Variants in TBC1D5 observed in about 807,000 individuals in gnomAD.
TBC1D5 encodes TBC1 domain family member 5.
A neutral mutation model predicts 100.3 loss-of-function variants in TBC1D5; 75 were observed. That is an observed-to-expected ratio of 0.75 (90% CI 0.62 to 0.91). The LOEUF (loss-of-function observed/expected upper bound fraction) is 0.91. Among genes scored for constraint, TBC1D5 ranks in the 40% least tolerant of loss-of-function variants. The probability of loss-of-function intolerance (pLI) is 0.00; values close to 1 mark genes in which losing one functional copy is unlikely to be tolerated. For missense variants in TBC1D5, 910 were observed against 942.4 expected (o/e 0.97, Z 0.45); for synonymous variants, 323 against 325.6 (o/e 0.99, Z 0.09).
chr3:17,169,813 G>C (rs1247476433), intron 19 of TBC1D5, among the ~76,000 whole-genome samples: 1 of 152,186 alleles, frequency 6.6e-6, no homozygotes, highest in African/African-American at 2.4e-5. Flanking sequence ...TGGTACCAGA[G>C]ACTGGTTTCA....
chr3:17,354,208 C>A (rs148587823), intron 13 of TBC1D5, among the ~76,000 whole-genome samples: 1 of 152,140 alleles, frequency 6.6e-6, no homozygotes, highest in African/African-American at 2.4e-5. Flanking sequence ...TACATGTTTA[C>A]TGCTAGGGAT....
At chr3:17,628,472 A>AC (rs1030729448) in intron 1 of TBC1D5, among the ~76,000 whole-genome samples, 1 of 151,808 alleles carries the variant, frequency 6.6e-6, no homozygotes, top group Non-Finnish European at 1.5e-5. Flanking sequence ...CTCTCCCCCC[A>AC]CTTCACCATG....
intron 1 of TBC1D5, among the ~76,000 whole-genome samples, chr3:17,642,400 T>C (rs11128836): frequency 0.5 from 75,695 of 151,918 alleles, 20,462 homozygotes; most frequent in East Asian, 0.94. Context: ...CATCGATATT[T>C]TATAGATGAA....
intron 2 of TBC1D5, among the ~76,000 whole-genome samples, chr3:17,564,240 T>C (rs1306559214): frequency 1.3e-5 from 2 of 152,214 alleles, no homozygotes; most frequent in African/African-American, 2.4e-5. Context: ...TATAAAAATA[T>C]TTTTATCATT....
intron 1 of TBC1D5, among the ~76,000 whole-genome samples, chr3:17,689,530 A>G (rs564679816): frequency 6.6e-6 from 1 of 151,824 alleles, no homozygotes; most frequent in South Asian, 2.1e-4. Context: ...AAAAAAAAAA[A>G]AAAAAAGAAA....
Position 17,515,204 on chromosome 3 carries a change from C to G in TBC1D5, c.-35-6599G>C, listed in dbSNP as rs188979504. On this transcript the variant is annotated intron_variant, in intron 2 of 21. Transcript: ENST00000253692. ...CATTTTGTCCAAAAAAACCAATGAA[C>G]AAAAATCTCTCCTTGGTGCAAACAT... is the stretch of plus-strand genomic sequence containing the variant. Among the ~76,000 whole-genome samples the G allele has an allele frequency of 3.6e-3, 540 of 152,102 alleles. 4 individuals carry two copies. Among genetic ancestry groups the G allele is most frequent in the African/African-American group, 0.012 (513 of 41,522 alleles).
In TBC1D5 at chr3:17,674,376, T is replaced by G. The variant is rs1270221617; in HGVS notation, c.-100-50463A>C. Among the ~76,000 whole-genome samples the G allele has an allele frequency of 5.9e-5, 9 of 152,330 alleles. No individual in the cohort carries two copies. The South Asian group carries it at 8.3e-4, about 14-fold the overall frequency. ...GTCACCATGAAGAAAATATGAGAGATATTAATTTCCATAAAAACTGATAAA... is the reference window on the plus strand; with the variant it reads ...GTCACCATGAAGAAAATATGAGAGAGATTAATTTCCATAAAAACTGATAAA... On this transcript the variant is annotated intron_variant, in intron 1 of 21. Coordinates refer to ENST00000253692, the Ensembl canonical transcript of TBC1D5.
intron 1 of TBC1D5, among the ~76,000 whole-genome samples, chr3:17,643,748 T>G (rs1335021785): frequency 6.6e-6 from 1 of 152,136 alleles, no homozygotes; most frequent in East Asian, 1.9e-4. Flanking sequence ...TTTGGAAGGA[T>G]CTGTGTTTGA....
intron 1 of TBC1D5, among the ~76,000 whole-genome samples, chr3:17,704,817 G>A (rs2073797637): frequency 2.2e-5 from 2 of 89,992 alleles, no homozygotes; most frequent in Non-Finnish European, 2.3e-5. Context: ...CGGCTGGCCG[G>A]GCGGAGGGCT....
intron 2 of TBC1D5, among the ~76,000 whole-genome samples, chr3:17,511,761 C>T (rs2153233688): frequency 1.3e-5 from 2 of 152,128 alleles, no homozygotes; most frequent in Middle Eastern, 6.8e-3. Flanking sequence ...CCACATACCC[C>T]AGTCTACAAC....
chr3:17,704,635 T>A, intron 1 of TBC1D5, among the ~76,000 whole-genome samples: 1 of 68,974 alleles, frequency 1.4e-5, no homozygotes, highest in Non-Finnish European at 2.9e-5. Context: ...ACGGGGCTGC[T>A]GGCCAGGCGG....
intron 1 of TBC1D5, among the ~76,000 whole-genome samples, chr3:17,642,040 G>A (rs1318558321): frequency 6.6e-6 from 1 of 151,930 alleles, no homozygotes; most frequent in Non-Finnish European, 1.5e-5. Flanking sequence ...GACCTAAATT[G>A]GTTAGTTTGT....
intron 13 of TBC1D5, among the ~76,000 whole-genome samples, chr3:17,312,226 T>G (rs1412863631): frequency 6.6e-6 from 1 of 152,078 alleles, no homozygotes; most frequent in African/African-American, 2.4e-5. Flanking sequence ...TTGAACTTCT[T>G]TAGAAAACAG....
chr3:17,493,320 A>C (rs2095662507), intron 3 of TBC1D5, among the ~76,000 whole-genome samples: 1 of 150,918 alleles, frequency 6.6e-6, no homozygotes. Context: ...TCTTAGTCTG[A>C]TGGGTTTCCC....
intron 16 of TBC1D5, among the ~76,000 whole-genome samples, chr3:17,240,730 G>C (rs1004658762): frequency 4.6e-5 from 7 of 152,040 alleles, no homozygotes; most frequent in African/African-American, 1.7e-4. Flanking sequence ...TTGCTTGTTT[G>C]CAAGTCAGGA....
At chr3:17,194,523 G>A (rs2070390792) in intron 18 of TBC1D5, among the ~76,000 whole-genome samples, 1 of 152,100 alleles carries the variant, frequency 6.6e-6, no homozygotes, top group Non-Finnish European at 1.5e-5. Context: ...AGTGAAATAT[G>A]AATTAATTTT....
At position 17,629,111 on chromosome 3, in the gene TBC1D5, T is replaced by C. The variant is rs569804359; in HGVS notation, c.-100-5198A>G. 5.9e-5 allele frequency among the ~76,000 whole-genome samples: 9 copies of C among 152,370 alleles called. No homozygotes were observed. The East Asian group carries it at 1.7e-3, about 29-fold the overall frequency. On this transcript the variant is annotated intron_variant, in intron 1 of 21. Transcript: ENST00000253692. ...AAGTATCAAATATCTATTTAGCTTA[T>C]TAAAATAAAATATAGAATAGAAAAT...
chr3:17,299,858 CAAAAAAAA>C (rs10590475), intron 14 of TBC1D5, among the ~76,000 whole-genome samples: 12 of 48,590 alleles, frequency 2.5e-4, no homozygotes, highest in Admixed American at 3.4e-4. Flanking sequence ...GACTCCGTCT[CAAAAAAAA>C]AAAAAAAAAA....
chr3:17,526,753 C>T (rs978179289), intron 2 of TBC1D5, among the ~76,000 whole-genome samples: 1 of 152,192 alleles, frequency 6.6e-6, no homozygotes, highest in African/African-American at 2.4e-5. Flanking sequence ...CACACTGTCA[C>T]TACTCTAGTG....
Sources: allele counts gnomAD v4.1 joint callset (sites outside exome capture counted in the v4.1 genomes callset), GRCh38; gene constraint gnomAD v4.1.1; transcripts MANE v1.5; gene names NCBI Gene and HGNC (gene_info 2026-07-23, HGNC 2026-07-21).